KCNQ5: variants seen among roughly 807,000 people sequenced by gnomAD.
KCNQ5 encodes potassium voltage-gated channel subfamily KQT member 5.
KCNQ5 carries 30 observed loss-of-function variants against 98.2 expected under a neutral mutation model. The observed-to-expected ratio is 0.31, with a 90% confidence interval of 0.23 to 0.41. The LOEUF is 0.41. KCNQ5 is among the 10% of genes least tolerant of loss of function. The probability of loss-of-function intolerance (pLI) is 1.00; values close to 1 mark genes in which losing one functional copy is unlikely to be tolerated. For missense variants in KCNQ5, 835 were observed against 1,182.5 expected (o/e 0.71, Z 4.31); for synonymous variants, 458 against 449.4 (o/e 1.02, Z -0.24).
At chr6:73,018,876 G>A (rs1340398327) in intron 2 of KCNQ5, among the ~76,000 whole-genome samples, 2 of 152,106 alleles carry the variant, frequency 1.3e-5, no homozygotes, top group African/African-American at 2.4e-5. Flanking sequence ...TGGCCTATCT[G>A]AATGCACCAA....
Position 72,839,901 on chromosome 6 carries a change from C to T in KCNQ5, c.399-164007C>T, listed in dbSNP as rs79977527. Among the ~76,000 whole-genome samples, 692 of 152,268 alleles carry T rather than the reference C, an allele frequency of 4.5e-3. 1 individual carries two copies. The highest frequency in any genetic ancestry group is 0.024 in the Middle Eastern group (7 of 294). ...CCATAGATCTCAAAAACTTATTTCT[C>T]ATATCAGTGCATGGGTGGTTCGGTG... On this transcript the variant is annotated intron_variant, in intron 1 of 13. Coordinates refer to ENST00000370398, the MANE Select transcript of KCNQ5 (RefSeq NM_019842.4).
chr6:72,631,017 A>T (rs1452955888), intron 1 of KCNQ5, among the ~76,000 whole-genome samples: 1 of 152,188 alleles, frequency 6.6e-6, no homozygotes. Flanking sequence ...CAGTGGTAGG[A>T]AGGATGGGGG....
chr6:73,035,110 G>A (rs945530486), intron 2 of KCNQ5, among the ~76,000 whole-genome samples: 2 of 152,040 alleles, frequency 1.3e-5, no homozygotes, highest in Admixed American at 6.6e-5. Flanking sequence ...TTCCGAAAGC[G>A]CTGGGATTAC....
chr6:73,079,734 A>C (rs540238221), intron 5 of KCNQ5, among the ~76,000 whole-genome samples: 1 of 152,332 alleles, frequency 6.6e-6, no homozygotes, highest in East Asian at 1.9e-4. Context: ...TTCGAAAAAG[A>C]GTGGAAGCTT....
In KCNQ5 at chr6:72,818,292, G is replaced by A. The variant is rs185576362; in HGVS notation, c.399-185616G>A. Among the ~76,000 whole-genome samples, 3 of 152,170 alleles carry A rather than the reference G, an allele frequency of 2.0e-5. No homozygotes were observed. The East Asian group carries it at 5.8e-4, about 29-fold the overall frequency. ...AACAGGTTAACTTGTTTTCTCTCTT[G>A]ATTATAACCATACGTCTCTGATTTA... On this transcript the variant is annotated intron_variant, in intron 1 of 13. Coordinates refer to ENST00000370398, the MANE Select transcript of KCNQ5 (RefSeq NM_019842.4).
chr6:73,153,290 T>C (rs1436756930), intron 10 of KCNQ5, among the ~76,000 whole-genome samples: 1 of 152,198 alleles, frequency 6.6e-6, no homozygotes, highest in East Asian at 1.9e-4. Context: ...GTTGTTGTCA[T>C]CTCCTTTCCT....
At chr6:72,970,775 C>G (rs1030631302) in intron 1 of KCNQ5, among the ~76,000 whole-genome samples, 2 of 152,138 alleles carry the variant, frequency 1.3e-5, no homozygotes, top group African/African-American at 4.8e-5. Context: ...ACAGATGGTG[C>G]TGGGAAAACT....
chr6:73,056,168 A>C (rs1772480320), intron 3 of KCNQ5, among the ~76,000 whole-genome samples: 1 of 152,300 alleles, frequency 6.6e-6, no homozygotes, highest in East Asian at 1.9e-4. Flanking sequence ...AGGAGGAGCC[A>C]TGCTGAGCTA....
intron 1 of KCNQ5, among the ~76,000 whole-genome samples, chr6:72,696,697 T>C (rs1300757142): frequency 6.6e-6 from 1 of 152,296 alleles, no homozygotes; most frequent in East Asian, 1.9e-4. Context: ...CTTAAAAATA[T>C]ATAGTAAGCT....
intron 1 of KCNQ5, among the ~76,000 whole-genome samples, chr6:72,662,497 C>T (rs951481061): frequency 1.3e-5 from 2 of 152,080 alleles, no homozygotes; most frequent in African/African-American, 4.8e-5. Context: ...GATATCATTA[C>T]ACCATGCCCA....
chr6:72,636,974 G>C (rs74422783), intron 1 of KCNQ5, among the ~76,000 whole-genome samples: 1 of 152,148 alleles, frequency 6.6e-6, no homozygotes, highest in Admixed American at 6.5e-5. Flanking sequence ...TTTGGAGCTC[G>C]GCGTTCAGCT....
chr6:72,697,846 A>C (rs1033732206), intron 1 of KCNQ5, among the ~76,000 whole-genome samples: 1 of 152,204 alleles, frequency 6.6e-6, no homozygotes, highest in African/African-American at 2.4e-5. Flanking sequence ...GTATACATAG[A>C]TCTAAATATC....
chr6:72,827,081 T>G (rs1321203355), intron 1 of KCNQ5, among the ~76,000 whole-genome samples: 2 of 152,182 alleles, frequency 1.3e-5, no homozygotes, highest in African/African-American at 4.8e-5. Flanking sequence ...CTGAATAGTA[T>G]TCCATTGTGT....
chr6:73,082,627 A>G (rs531921085), intron 5 of KCNQ5, among the ~76,000 whole-genome samples: 11 of 152,284 alleles, frequency 7.2e-5, no homozygotes, highest in Non-Finnish European at 1.5e-4. Context: ...TCACGCTCAC[A>G]TGGGTGTGGG....
intron 1 of KCNQ5, among the ~76,000 whole-genome samples, chr6:72,922,314 A>G (rs1182565834): frequency 6.6e-6 from 1 of 152,212 alleles, no homozygotes; most frequent in Non-Finnish European, 1.5e-5. Flanking sequence ...ATAATATTGT[A>G]TATACTTACA....
chr6:72,748,310 G>A (rs1340177271), intron 1 of KCNQ5, among the ~76,000 whole-genome samples: 1 of 152,122 alleles, frequency 6.6e-6, no homozygotes, highest in Non-Finnish European at 1.5e-5. Context: ...TTGGTTGTAT[G>A]TAGCCTTTCT....
At chr6:72,972,973 G>A (rs1767976748) in intron 1 of KCNQ5, among the ~76,000 whole-genome samples, 1 of 152,152 alleles carries the variant, frequency 6.6e-6, no homozygotes, top group Non-Finnish European at 1.5e-5. Flanking sequence ...CTAGGAAGTA[G>A]TGAAACTAAA....
chr6:73,146,319 C>G (rs1217057997), intron 10 of KCNQ5, among the ~76,000 whole-genome samples: 2 of 152,050 alleles, frequency 1.3e-5, no homozygotes, highest in African/African-American at 4.8e-5. Flanking sequence ...ACTGTTTTAG[C>G]TTAGAATGGT....
chr6:73,143,215 G>A (rs1293269614), intron 10 of KCNQ5, among the ~76,000 whole-genome samples: 1 of 152,138 alleles, frequency 6.6e-6, no homozygotes, highest in Non-Finnish European at 1.5e-5. Context: ...TCAACAGTCA[G>A]GAATTTCTGG....
Sources: allele counts gnomAD v4.1 joint callset (sites outside exome capture counted in the v4.1 genomes callset), GRCh38; gene constraint gnomAD v4.1.1; transcripts MANE v1.5; gene names NCBI Gene and HGNC (gene_info 2026-07-23, HGNC 2026-07-21).